The following JMJD1C variants were observed in gnomAD, a reference collection of about 807,000 sequenced individuals.
The protein encoded by JMJD1C is jumonji domain-containing protein 1C.
JMJD1C carries 31 observed loss-of-function variants against 245.3 expected under a neutral mutation model. The ratio of observed to expected loss-of-function variants is 0.13; its 90% CI spans 0.09 to 0.17. The LOEUF is 0.17. JMJD1C is among the 10% of genes least tolerant of loss of function. The pLI is 1.00. For synonymous variants in JMJD1C, 1,057 were observed against 1,017.4 expected (o/e 1.04, Z -0.74); for missense variants, 2,691 against 3,000.2 (o/e 0.90, Z 2.41).
intron 22 of JMJD1C, among the ~76,000 whole-genome samples, chr10:63,179,184 C>T (rs1414028280): frequency 1.3e-5 from 2 of 151,784 alleles, no homozygotes; most frequent in Non-Finnish European, 2.9e-5. Context: ...CCGAGGCAGG[C>T]GGATCACCTG....
At chr10:63,409,820 A>T (rs1022865078) in intron 1 of JMJD1C, among the ~76,000 whole-genome samples, 1 of 152,174 alleles carries the variant, frequency 6.6e-6, no homozygotes, top group African/African-American at 2.4e-5. Context: ...TTACTTTTAC[A>T]TGAGGATCTG....
intron 8 of JMJD1C, 69 bp downstream of exon 8, chr10:63,213,404 A>C: frequency 1.1e-6 from 1 of 912,160 alleles, no homozygotes. Context: ...AATAGATGGA[A>C]TATTGAAAAA....
intron 1 of JMJD1C, among the ~76,000 whole-genome samples, chr10:63,394,483 T>G (rs1948322328): frequency 6.6e-6 from 1 of 151,976 alleles, no homozygotes. Context: ...TCCAAGAAAA[T>G]ATAATATTCG....
intron 2 of JMJD1C, among the ~76,000 whole-genome samples, chr10:63,335,785 A>G (rs1307954570): frequency 6.6e-6 from 1 of 151,802 alleles, no homozygotes; most frequent in Non-Finnish European, 1.5e-5. Flanking sequence ...TGTTGAGATT[A>G]CAGGCATGAA....
chr10:63,237,048 T>G (rs1850819125), intron 3 of JMJD1C, among the ~76,000 whole-genome samples: 1 of 152,174 alleles, frequency 6.6e-6, no homozygotes, highest in Non-Finnish European at 1.5e-5. Context: ...TTGTTTTGTT[T>G]TGTTTTTTTA....
intron 1 of JMJD1C, among the ~76,000 whole-genome samples, chr10:63,435,698 G>A (rs559945047): frequency 7.4e-4 from 113 of 152,172 alleles, no homozygotes; most frequent in African/African-American, 1.5e-3. Flanking sequence ...TCAGGAGTTC[G>A]ACACGAATCT....
At chr10:63,439,521 G>GTT in intron 1 of JMJD1C, among the ~76,000 whole-genome samples, 1 of 151,988 alleles carries the variant, frequency 6.6e-6, no homozygotes, top group Non-Finnish European at 1.5e-5. Flanking sequence ...CTCCACACAA[G>GTT]TAACAAATTT....
At chr10:63,476,928 G>A (rs974859639) in intron 1 of JMJD1C, among the ~76,000 whole-genome samples, 1 of 151,922 alleles carries the variant, frequency 6.6e-6, no homozygotes, top group African/African-American at 2.4e-5. Flanking sequence ...AGGAATGAGA[G>A]GGGTGACATC....
Position 63,465,828 on chromosome 10 carries a change from C to T in JMJD1C, c.-166G>A. The stretch of plus-strand genomic sequence containing the variant: ...GGCCGCTCTGCCCCGGACACAGCGA[C>T]CTCGGGCCCTCCCCGCAAACACTCC... On this transcript the variant is annotated 5_prime_UTR_variant, in exon 1 of 26. Coordinates refer to ENST00000399262, the MANE Select transcript of JMJD1C (RefSeq NM_032776.3). 1.3e-6 allele frequency: 1 copy of T among 766,968 alleles called. No homozygotes were observed. The highest frequency in any genetic ancestry group is 2.2e-6 in the Non-Finnish European group (1 of 444,790). 47.5% of individuals were successfully genotyped at this position (766,968 alleles called of 1,614,324 possible). A position where few individuals can be genotyped will look rare whatever the true frequency, so the allele number is the denominator to read the frequency against.
At chr10:63,178,672 G>A in intron 22 of JMJD1C, among the ~76,000 whole-genome samples, 1 of 152,178 alleles carries the variant, frequency 6.6e-6, no homozygotes, top group East Asian at 1.9e-4. Flanking sequence ...TGGTTAATCT[G>A]TAATCAAATG....
In JMJD1C at chr10:63,208,529, T is replaced by G; in HGVS notation, c.3140A>C (p.Glu1047Ala). 1.9e-6 allele frequency: 3 copies of G among 1,614,178 alleles called. No homozygotes were observed. Among genetic ancestry groups the G allele is most frequent in the Non-Finnish European group, 2.5e-6 (3 of 1,180,016 alleles). ...TKIKGLEGER[E>A]NYSRVASSSS... The stretch of plus-strand genomic sequence containing the variant: ...TGATGATGCCACTCTGGAATAATTC[T>G]CTCTCTCACCCTCAAGTCCCTTGAT... Residue 1047 changes from glutamate to alanine, a missense_variant, in exon 10 of 26, where the codon GAG becomes GCG. This residue lies in a region of JMJD1C where 1,562 missense variants were observed against 1,490.7 expected (regional missense o/e 1.05). Transcript: ENST00000399262.
chr10:63,217,917 T>C (rs1313779263), intron 4 of JMJD1C, among the ~76,000 whole-genome samples: 3 of 152,120 alleles, frequency 2.0e-5, no homozygotes, highest in Admixed American at 6.5e-5. Context: ...TATTCTTGTA[T>C]AGATATCCAT....
At chr10:63,177,670 A>C (rs2132819802) in intron 23 of JMJD1C, 47 bp downstream of exon 23, 2 of 1,595,292 alleles carry the variant, frequency 1.3e-6, no homozygotes, top group Non-Finnish European at 1.7e-6. Flanking sequence ...ACAATGAATA[A>C]GTCCTTGCTT....
At chr10:63,305,629 C>CGT (rs36038855) in intron 2 of JMJD1C, among the ~76,000 whole-genome samples, 10,623 of 121,534 alleles carry the variant, frequency 0.087, 634 homozygotes, top group Non-Finnish European at 0.1. Flanking sequence ...ACCATGCTGG[C>CGT]GTGTGTGTGT....
chr10:63,426,275 T>C (rs1304249506), intron 1 of JMJD1C, among the ~76,000 whole-genome samples: 5 of 152,032 alleles, frequency 3.3e-5, no homozygotes, highest in African/African-American at 4.8e-5. Context: ...CACAGGATCC[T>C]TGGGGCCCAG....
At chr10:63,189,562 T>C (rs1844515753) in intron 17 of JMJD1C, 116 bp from the exon 18 acceptor site, 2 of 822,566 alleles carry the variant, frequency 2.4e-6, no homozygotes, top group Non-Finnish European at 3.7e-6. Flanking sequence ...AATATGCACT[T>C]CTCTTAGATT....
chr10:63,502,835 T>C (rs1241402915), intron 1 of JMJD1C, among the ~76,000 whole-genome samples: 1 of 152,120 alleles, frequency 6.6e-6, no homozygotes, highest in Non-Finnish European at 1.5e-5. Context: ...GATAAAAAGA[T>C]CAAACTTTGA....
At chr10:63,224,001 G>A (rs532487031) in intron 3 of JMJD1C, among the ~76,000 whole-genome samples, 12 of 151,808 alleles carry the variant, frequency 7.9e-5, no homozygotes, top group Admixed American at 2.0e-4. Flanking sequence ...ATCCGCCTGC[G>A]TCCGCCTCCC....
chr10:63,168,353 G>C, intron 25 of JMJD1C, 82 bp downstream of exon 25: 1 of 1,377,250 alleles, frequency 7.3e-7, no homozygotes, highest in Non-Finnish European at 9.9e-7. Context: ...ACTAGGCAAT[G>C]ACTGCCTAAG....
Sources: allele counts gnomAD v4.1 joint callset (sites outside exome capture counted in the v4.1 genomes callset), GRCh38; gene constraint gnomAD v4.1.1; regional missense constraint gnomAD v4.1.1; transcripts MANE v1.5; gene names NCBI Gene and HGNC (gene_info 2026-07-23, HGNC 2026-07-21).